Variants in MYO1D observed in about 807,000 individuals in gnomAD.
The protein encoded by MYO1D is myosin ID.
Under a neutral mutation model 122.0 loss-of-function variants are expected in MYO1D, and 83 were observed. The ratio of observed to expected loss-of-function variants is 0.68; its 90% CI spans 0.57 to 0.82. MYO1D has a LOEUF of 0.82. Among genes scored for constraint, MYO1D ranks in the 40% least tolerant of loss-of-function variants. The probability of loss-of-function intolerance (pLI) is 0.00; values close to 1 mark genes in which losing one functional copy is unlikely to be tolerated. For missense variants in MYO1D, 1,157 were observed against 1,269.5 expected (o/e 0.91, Z 1.35); for synonymous variants, 464 against 446.9 (o/e 1.04, Z -0.48).
At chr17:32,706,729 C>A (rs984866653) in intron 16 of MYO1D, among the ~76,000 whole-genome samples, 5 of 152,066 alleles carry the variant, frequency 3.3e-5, no homozygotes, top group Non-Finnish European at 7.4e-5. Context: ...TGGAGTCTCA[C>A]TCTGTTGCCC....
At chr17:32,499,634 CA>C (rs980018963) in intron 21 of MYO1D, among the ~76,000 whole-genome samples, 3 of 148,676 alleles carry the variant, frequency 2.0e-5, no homozygotes, top group African/African-American at 7.5e-5. Context: ...ACTCTGTCTC[CA>C]AAAATAAAAA....
In MYO1D at chr17:32,773,365, AAG is replaced by A. The variant is rs1298718833; in HGVS notation, c.565-525_565-524del. Among the ~76,000 whole-genome samples the A allele has an allele frequency of 7.2e-5, 11 of 152,270 alleles. No homozygotes were observed. The South Asian group carries it at 2.3e-3, about 32-fold the overall frequency. On this transcript the variant is annotated intron_variant, in intron 4 of 21. Transcript: ENST00000318217. ...CTTCAGCACCGGTCACGGATTCGGG[AAG>A]ACAGTCTTCCCTTGGTGTTTAATCA...
At chr17:32,778,121 A>G (rs2090196811) in intron 3 of MYO1D, among the ~76,000 whole-genome samples, 1 of 152,162 alleles carries the variant, frequency 6.6e-6, no homozygotes, top group Non-Finnish European at 1.5e-5. Context: ...TGAACAATAA[A>G]ACCTACCAGT....
chr17:32,533,845 A>G (rs1164638454), intron 21 of MYO1D, among the ~76,000 whole-genome samples: 1 of 152,254 alleles, frequency 6.6e-6, no homozygotes, highest in African/African-American at 2.4e-5. Context: ...TGTTACAAAT[A>G]TTTATTATAA....
At chr17:32,601,486 A>G (rs759898029) in intron 21 of MYO1D, among the ~76,000 whole-genome samples, 16 of 152,218 alleles carry the variant, frequency 1.1e-4, no homozygotes, top group Admixed American at 4.6e-4. Flanking sequence ...AAATGATTAC[A>G]GTAATAACAA....
chr17:32,695,455 T>C (rs1294172837), intron 16 of MYO1D, among the ~76,000 whole-genome samples: 1 of 152,212 alleles, frequency 6.6e-6, no homozygotes, highest in Non-Finnish European at 1.5e-5. Context: ...AGGCTCTTAA[T>C]TGGCCATCCT....
intron 1 of MYO1D, among the ~76,000 whole-genome samples, chr17:32,823,355 C>T (rs1397018249): frequency 1.3e-5 from 2 of 152,112 alleles, no homozygotes; most frequent in African/African-American, 4.8e-5. Context: ...ACCTCTGCAG[C>T]ATTCATTTTA....
At position 32,493,304 on chromosome 17, in the gene MYO1D, A is replaced by T. The variant is rs1418348703; in HGVS notation, c.*1455T>A. 5 of 152,308 alleles carry T rather than the reference A, an allele frequency of 3.3e-5. No individual in the cohort carries two copies. Among genetic ancestry groups the T allele is most frequent in the African/African-American group, 1.2e-4 (5 of 41,464 alleles). The allele number at this position is 152,308 out of a possible 1,614,324, so 9.4% of individuals were successfully genotyped here. ...TGGGAAGCAGGGATGGGGAGTGGGC[A>T]TGAGACCGGGTTGTTGGGACCACTC... On this transcript the variant is annotated 3_prime_UTR_variant, in exon 22 of 22. Coordinates refer to ENST00000318217, the MANE Select transcript of MYO1D (RefSeq NM_015194.3).
intron 1 of MYO1D, among the ~76,000 whole-genome samples, chr17:32,782,298 T>A (rs1484739020): frequency 2.6e-5 from 4 of 152,238 alleles, no homozygotes. Flanking sequence ...TTTCTATGTA[T>A]CCTCTCAGTT....
chr17:32,629,004 TAC>T (rs2087965946), intron 20 of MYO1D, among the ~76,000 whole-genome samples: 1 of 152,178 alleles, frequency 6.6e-6, no homozygotes, highest in Non-Finnish European at 1.5e-5. Context: ...AGAAACAAAT[TAC>T]GGCACCTCCA....
At chr17:32,772,927 C>T in intron 4 of MYO1D, 85 bp from the exon 5 acceptor site, 1 of 1,062,370 alleles carries the variant, frequency 9.4e-7, no homozygotes, top group East Asian at 2.4e-5. Flanking sequence ...AACTGTCAGG[C>T]CTCTGAGCCC....
intron 19 of MYO1D, among the ~76,000 whole-genome samples, chr17:32,647,460 T>A (rs980383318): frequency 2.0e-5 from 3 of 152,234 alleles, no homozygotes; most frequent in Non-Finnish European, 4.4e-5. Flanking sequence ...AGACATGTTC[T>A]CTGTCAGACA....
intron 1 of MYO1D, among the ~76,000 whole-genome samples, chr17:32,857,659 C>G (rs2151085520): frequency 6.6e-6 from 1 of 152,166 alleles, no homozygotes; most frequent in Non-Finnish European, 1.5e-5. Context: ...CATGTCACAA[C>G]CATTCACAGA....
intron 21 of MYO1D, among the ~76,000 whole-genome samples, chr17:32,532,469 T>C (rs989512909): frequency 5.3e-5 from 8 of 152,154 alleles, no homozygotes; most frequent in Non-Finnish European, 7.4e-5. Context: ...GGCTCATGCC[T>C]GTAATCCCAG....
intron 1 of MYO1D, among the ~76,000 whole-genome samples, chr17:32,810,056 C>A (rs1287100678): frequency 6.6e-6 from 1 of 152,126 alleles, no homozygotes; most frequent in African/African-American, 2.4e-5. Context: ...CCTTGACAGG[C>A]ATGAGCAGGA....
At chr17:32,567,944 A>C (rs1180892047) in intron 21 of MYO1D, among the ~76,000 whole-genome samples, 1 of 152,202 alleles carries the variant, frequency 6.6e-6, no homozygotes, top group Non-Finnish European at 1.5e-5. Flanking sequence ...TAGTTTCAGG[A>C]AAGATGGCTG....
Position 32,742,618 on chromosome 17 carries a change from G to A in MYO1D, c.1613+2593C>T, listed in dbSNP as rs114332712. On this transcript the variant is annotated intron_variant, in intron 13 of 21. Coordinates refer to ENST00000318217, the MANE Select transcript of MYO1D (RefSeq NM_015194.3). ...ACATTTTCTGCACAGAGAAATGCTG[G>A]ACTCTGTCATTTGTCCCTCAAAATG... 8.0e-3 allele frequency among the ~76,000 whole-genome samples: 1,219 copies of A among 152,256 alleles called. 11 individuals carry two copies. Among genetic ancestry groups the A allele is most frequent in the African/African-American group, 0.027 (1,122 of 41,540 alleles).
chr17:32,614,855 G>A (rs1311504515), intron 20 of MYO1D, among the ~76,000 whole-genome samples: 1 of 152,238 alleles, frequency 6.6e-6, no homozygotes, highest in Admixed American at 6.5e-5. Context: ...GAGGGGTCGT[G>A]TGCAGGTGCT....
At chr17:32,498,503 C>T (rs1439745537) in intron 21 of MYO1D, 1 of 152,198 alleles carries the variant, frequency 6.6e-6, no homozygotes, top group Non-Finnish European at 1.5e-5. Context: ...CCAGGTGCTC[C>T]ACAAGGACTG....
Sources: gnomAD v4.1 joint callset for allele counts (sites outside exome capture counted in the v4.1 genomes callset) on GRCh38, gnomAD v4.1.1 for gene constraint, MANE v1.5 for transcripts, NCBI Gene and HGNC (gene_info 2026-07-23, HGNC 2026-07-21) for gene names.